The following PTPRD variants were observed in gnomAD, a reference collection of about 807,000 sequenced individuals.
PTPRD encodes the protein protein tyrosine phosphatase receptor type D.
In PTPRD, 34 loss-of-function variants were observed where a neutral mutation model predicts 214.5. The ratio of observed to expected loss-of-function variants is 0.16; its 90% CI spans 0.12 to 0.21. The LOEUF (loss-of-function observed/expected upper bound fraction) is 0.21. PTPRD is among the 10% of genes least tolerant of loss of function. The pLI is 1.00. For missense variants in PTPRD, 2,545 were observed against 2,398.7 expected (o/e 1.06, Z -1.27); for synonymous variants, 1,128 against 845.7 (o/e 1.33, Z -5.79).
At chr9:9,371,974 G>C (rs1255946736) in intron 9 of PTPRD, among the ~76,000 whole-genome samples, 1 of 152,160 alleles carries the variant, frequency 6.6e-6, no homozygotes, top group Non-Finnish European at 1.5e-5. Context: ...TGTGGTCTGA[G>C]AGACAGTTTG....
intron 7 of PTPRD, among the ~76,000 whole-genome samples, chr9:9,713,378 T>C (rs1292221313): frequency 6.6e-6 from 1 of 152,182 alleles, no homozygotes; most frequent in East Asian, 1.9e-4. Flanking sequence ...ACTCGTCCTC[T>C]TAGATATCTA....
intron 4 of PTPRD, among the ~76,000 whole-genome samples, chr9:9,939,269 C>G (rs919189401): frequency 4.6e-5 from 7 of 152,150 alleles, no homozygotes; most frequent in African/African-American, 1.7e-4. Context: ...CAGGTAGGGT[C>G]TTGTACTGCA....
At chr9:8,753,166 CT>C (rs1234222421) in intron 11 of PTPRD, among the ~76,000 whole-genome samples, 2 of 152,168 alleles carry the variant, frequency 1.3e-5, no homozygotes, top group Admixed American at 1.3e-4. Context: ...ATTTGTGCCT[CT>C]TGGCCCCTTT....
Position 8,465,774 on chromosome 9 carries a change from C to A in PTPRD, c.3505-99G>T, listed in dbSNP as rs184915919. 5.8e-4 allele frequency: 574 copies of A among 996,478 alleles called. 4 individuals are homozygous for A. The African/African-American group carries it at 8.8e-3, about 15-fold the overall frequency. 61.7% of individuals were successfully genotyped at this position (996,478 alleles called of 1,614,324 possible). A position where few individuals can be genotyped will look rare whatever the true frequency, so the allele number is the denominator to read the frequency against. ...AATTAATTCAGAACTGGGAACAACC[C>A]AAATGCAATTTGTTCACATTTCATA... On this transcript the variant is annotated intron_variant, in intron 31 of 45. Coordinates refer to ENST00000381196, the MANE Select transcript of PTPRD (RefSeq NM_002839.4).
intron 10 of PTPRD, among the ~76,000 whole-genome samples, chr9:9,078,985 C>A (rs324477): frequency 1.4e-4 from 22 of 152,136 alleles, no homozygotes; most frequent in South Asian, 1.2e-3. Flanking sequence ...TTTCAATACT[C>A]ATGATGTATA....
At chr9:10,251,739 T>C (rs2092788295) in intron 3 of PTPRD, among the ~76,000 whole-genome samples, 1 of 152,188 alleles carries the variant, frequency 6.6e-6, no homozygotes, top group South Asian at 2.1e-4. Context: ...AGTAGTCCAC[T>C]TGCTCATATC....
intron 7 of PTPRD, among the ~76,000 whole-genome samples, chr9:9,575,164 CAT>C (rs1342198283): frequency 6.6e-6 from 1 of 152,114 alleles, no homozygotes; most frequent in Non-Finnish European, 1.5e-5. Flanking sequence ...CATGTGCAAA[CAT>C]GTACACACAC....
intron 9 of PTPRD, among the ~76,000 whole-genome samples, chr9:9,197,350 C>T (rs1445281752): frequency 2.0e-5 from 3 of 152,202 alleles, no homozygotes; most frequent in Admixed American, 6.5e-5. Flanking sequence ...ACTTCTTTGA[C>T]TGGTGGTCGT....
In PTPRD at chr9:9,736,701, C is replaced by T. The variant is rs1301795374; in HGVS notation, c.-325-2130G>A. 2.6e-5 allele frequency among the ~76,000 whole-genome samples: 4 copies of T among 152,054 alleles called. No individual in the cohort carries two copies. The South Asian group carries it at 6.2e-4, about 24-fold the overall frequency. ...ATTATCTTCATAACAAATTTTAGTG[C>T]ATTTTCATATGTTTATTAGTCATAC... On this transcript the variant is annotated intron_variant, in intron 6 of 45. Coordinates refer to ENST00000381196, the MANE Select transcript of PTPRD (RefSeq NM_002839.4).
chr9:8,503,167 T>C (rs915083447), intron 23 of PTPRD, among the ~76,000 whole-genome samples: 1 of 152,026 alleles, frequency 6.6e-6, no homozygotes, highest in Admixed American at 6.6e-5. Context: ...AATTTTATTA[T>C]CAAAAAACCC....
intron 8 of PTPRD, among the ~76,000 whole-genome samples, chr9:9,414,565 TG>T (rs1569568109): frequency 6.6e-6 from 1 of 152,200 alleles, no homozygotes; most frequent in Non-Finnish European, 1.5e-5. Context: ...ACATGGTGAG[TG>T]TTGGTTTTTA....
At chr9:9,943,039 C>G (rs1434680565) in intron 4 of PTPRD, among the ~76,000 whole-genome samples, 1 of 152,088 alleles carries the variant, frequency 6.6e-6, no homozygotes, top group East Asian at 1.9e-4. Flanking sequence ...GGGGCAAAAG[C>G]TGATAGTGGA....
chr9:8,506,720 T>C (rs1045498849), intron 22 of PTPRD, among the ~76,000 whole-genome samples: 1 of 152,226 alleles, frequency 6.6e-6, no homozygotes, highest in African/African-American at 2.4e-5. Flanking sequence ...TGATTTTCAT[T>C]TCTCTTTTCA....
At position 8,821,565 on chromosome 9, in the gene PTPRD, G is replaced by A. The variant is rs929516712; in HGVS notation, c.-103-87619C>T. ...CCTAAGAGTGGAGGCCAATCCCAAT[G>A]CAGTCACCTCTTCTTTCCTCCACTT... On this transcript the variant is annotated intron_variant, in intron 11 of 45. Transcript: ENST00000381196. Among the ~76,000 whole-genome samples, 3 of 152,142 alleles carry A rather than the reference G, an allele frequency of 2.0e-5. No homozygotes were observed. The East Asian group carries it at 5.8e-4, about 29-fold the overall frequency.
chr9:10,532,367 T>A (rs2056597725), intron 2 of PTPRD: 1 of 152,026 alleles, frequency 6.6e-6, no homozygotes, highest in South Asian at 2.1e-4. Context: ...TGGCAAAGAA[T>A]CTCAGGCCAA....
At chr9:8,414,519 C>T (rs1055151179) in intron 35 of PTPRD, among the ~76,000 whole-genome samples, 14 of 151,938 alleles carry the variant, frequency 9.2e-5, no homozygotes, top group Admixed American at 8.5e-4. Context: ...AGTTGTGCTC[C>T]CCAAAGATCT....
intron 2 of PTPRD, among the ~76,000 whole-genome samples, chr9:10,586,584 A>ATT (rs1007847995): frequency 1.3e-5 from 2 of 152,158 alleles, no homozygotes; most frequent in Non-Finnish European, 2.9e-5. Context: ...GAATCTAAAA[A>ATT]GAATGAATTA....
At chr9:8,776,162 AG>A (rs779387835) in intron 11 of PTPRD, among the ~76,000 whole-genome samples, 4 of 152,190 alleles carry the variant, frequency 2.6e-5, no homozygotes, top group Non-Finnish European at 4.4e-5. Flanking sequence ...ATGGAAGAGT[AG>A]AAGGACCGCA....
intron 3 of PTPRD, among the ~76,000 whole-genome samples, chr9:10,278,831 G>C (rs548714860): frequency 1.3e-5 from 2 of 152,034 alleles, no homozygotes; most frequent in Admixed American, 1.3e-4. Context: ...CTGGAGTGCA[G>C]TAGCGCGATC....
Sources: gnomAD v4.1 joint callset for allele counts (sites outside exome capture counted in the v4.1 genomes callset) on GRCh38, gnomAD v4.1.1 for gene constraint, MANE v1.5 for transcripts, NCBI Gene and HGNC (gene_info 2026-07-23, HGNC 2026-07-21) for gene names.